Variants in CDH12 observed in about 807,000 individuals in gnomAD.
CDH12 encodes cadherin-12.
A neutral mutation model predicts 74.1 loss-of-function variants in CDH12; 41 were observed. The observed-to-expected ratio is 0.55, with a 90% CI of 0.43 to 0.72. The LOEUF (loss-of-function observed/expected upper bound fraction) is 0.72, where lower values mean the gene tolerates loss of function less well. Ranked by LOEUF, CDH12 falls within the 30% of genes least tolerant of loss-of-function variation. CDH12 has a pLI of 0.00. For missense variants in CDH12, 945 were observed against 977.2 expected, an observed-to-expected ratio of 0.97 and a Z score of 0.44; for synonymous variants, 399 against 355.0, an observed-to-expected ratio of 1.12 and a Z score of -1.39.
chr5:21,889,988 T>A (rs1355076548), intron 6 of CDH12: 1 of 247,582 alleles, frequency 4.0e-6, no homozygotes, highest in Non-Finnish European at 6.4e-6. Flanking sequence ...CAACTATATT[T>A]GACCAACAAA....
At chr5:22,701,432 T>C (rs1742709230) in intron 1 of CDH12, among the ~76,000 whole-genome samples, 1 of 152,020 alleles carries the variant, frequency 6.6e-6, no homozygotes, top group Non-Finnish European at 1.5e-5. Flanking sequence ...AAAAAGATTG[T>C]CACTTCTCAT....
At chr5:22,028,539 G>A (rs1215110679) in intron 5 of CDH12, among the ~76,000 whole-genome samples, 1 of 152,040 alleles carries the variant, frequency 6.6e-6, no homozygotes, top group Non-Finnish European at 1.5e-5. Flanking sequence ...AAATACCCAG[G>A]AATCCAACTT....
At chr5:21,981,929 C>G (rs1757323771) in intron 5 of CDH12, among the ~76,000 whole-genome samples, 1 of 152,128 alleles carries the variant, frequency 6.6e-6, no homozygotes, top group African/African-American at 2.4e-5. Context: ...CTGCCTATGC[C>G]TCTGAATGTG....
At chr5:22,051,692 G>C (rs187408846) in intron 5 of CDH12, among the ~76,000 whole-genome samples, 82 of 152,092 alleles carry the variant, frequency 5.4e-4, no homozygotes, top group African/African-American at 1.8e-3. Context: ...TATTCTGGCT[G>C]GAATCATTTT....
At chr5:22,492,052 G>A (rs1304142218) in intron 2 of CDH12, among the ~76,000 whole-genome samples, 2 of 152,046 alleles carry the variant, frequency 1.3e-5, no homozygotes, top group African/African-American at 2.4e-5. Context: ...ATGGGAGTTG[G>A]GACGTTAGCA....
At chr5:22,659,006 T>C (rs990639123) in intron 1 of CDH12, among the ~76,000 whole-genome samples, 29 of 152,274 alleles carry the variant, frequency 1.9e-4, no homozygotes, top group African/African-American at 7.0e-4. Flanking sequence ...TAAATTTATC[T>C]AGCTGTTTTA....
At chr5:22,163,483 C>A (rs1748482322) in intron 4 of CDH12, among the ~76,000 whole-genome samples, 1 of 152,196 alleles carries the variant, frequency 6.6e-6, no homozygotes, top group African/African-American at 2.4e-5. Context: ...TATTTGTAGT[C>A]TTACCCACTT....
intron 5 of CDH12, among the ~76,000 whole-genome samples, chr5:22,050,523 G>A (rs72739998): frequency 8.6e-4 from 131 of 152,102 alleles, no homozygotes; most frequent in Non-Finnish European, 1.6e-3. Context: ...TTTTCTAATA[G>A]GAATATCTGG....
intron 1 of CDH12, among the ~76,000 whole-genome samples, chr5:22,789,729 AAGG>A (rs1747816216): frequency 6.6e-6 from 1 of 151,970 alleles, no homozygotes; most frequent in Non-Finnish European, 1.5e-5. Flanking sequence ...TTAAAACTGA[AAGG>A]AGATTTCTTT....
chr5:22,831,689 G>T (rs1039208643), intron 1 of CDH12, among the ~76,000 whole-genome samples: 4 of 152,022 alleles, frequency 2.6e-5, no homozygotes, highest in Admixed American at 6.6e-5. Flanking sequence ...GAGGTCAGGA[G>T]TTCAAGACCA....
At chr5:22,360,338 G>T in intron 3 of CDH12, among the ~76,000 whole-genome samples, 1 of 152,236 alleles carries the variant, frequency 6.6e-6, no homozygotes, top group South Asian at 2.1e-4. Flanking sequence ...TAGAAGAAAT[G>T]GATAAATTCC....
chr5:22,461,846 A>C (rs1226162371), intron 2 of CDH12, among the ~76,000 whole-genome samples: 1 of 151,664 alleles, frequency 6.6e-6, no homozygotes, highest in Non-Finnish European at 1.5e-5. Context: ...GAATTTATTA[A>C]ATGTTATATG....
chr5:22,534,961 T>G (rs1216127607), intron 1 of CDH12, among the ~76,000 whole-genome samples: 1 of 148,806 alleles, frequency 6.7e-6, no homozygotes. Flanking sequence ...CTGGCCATTT[T>G]TGCATTTCTA....
At chr5:22,167,472 C>T (rs1748751777) in intron 4 of CDH12, among the ~76,000 whole-genome samples, 1 of 152,142 alleles carries the variant, frequency 6.6e-6, no homozygotes, top group African/African-American at 2.4e-5. Flanking sequence ...GGAGTTATAA[C>T]TTTAAAAGCT....
intron 1 of CDH12, among the ~76,000 whole-genome samples, chr5:22,716,637 G>C (rs1211113132): frequency 6.7e-6 from 1 of 149,892 alleles, no homozygotes; most frequent in Non-Finnish European, 1.5e-5. Context: ...AAAAATAAAT[G>C]AACAGTCTCA....
intron 8 of CDH12, among the ~76,000 whole-genome samples, chr5:21,822,803 C>T (rs1748446425): frequency 6.6e-6 from 1 of 151,980 alleles, no homozygotes; most frequent in Non-Finnish European, 1.5e-5. Context: ...ATAAGAATTG[C>T]CATGCACACA....
chr5:22,508,254 A>G (rs1736471559), intron 1 of CDH12, among the ~76,000 whole-genome samples: 1 of 152,120 alleles, frequency 6.6e-6, no homozygotes, highest in Admixed American at 6.6e-5. Flanking sequence ...ATTCCTATCT[A>G]AGGGGTCTGG....
chr5:21,851,756 A>G (rs948145553), intron 7 of CDH12, among the ~76,000 whole-genome samples: 2 of 151,336 alleles, frequency 1.3e-5, no homozygotes, highest in African/African-American at 2.4e-5. Flanking sequence ...GAATGTATCA[A>G]TTTATATTGT....
In CDH12 at chr5:22,425,077, TAGAGAG is replaced by T. The variant is rs56983010; in HGVS notation, c.-427-19732_-427-19727del. 5.9e-3 allele frequency among the ~76,000 whole-genome samples: 599 copies of T among 101,720 alleles called. 4 individuals carry two copies. The highest frequency in any genetic ancestry group is 0.014 in the African/African-American group (412 of 29,096). 66.7% of individuals were successfully genotyped at this position (101,720 alleles called of 152,430 possible). A position where few individuals can be genotyped will look rare whatever the true frequency, so the allele number is the denominator to read the frequency against. ...ATTTTTACATTTATATATATATATA[TAGAGAG>T]AGAGAGAGAGAGAGAGAGAATTTTT... is the stretch of plus-strand genomic sequence containing the variant. On this transcript the variant is annotated intron_variant, in intron 2 of 14. Transcript: ENST00000382254.
Sources: allele counts gnomAD v4.1 joint callset (sites outside exome capture counted in the v4.1 genomes callset), GRCh38; gene constraint gnomAD v4.1.1; transcripts MANE v1.5; gene names NCBI Gene and HGNC (gene_info 2026-07-23, HGNC 2026-07-21).